The following PALB2 variants were observed in gnomAD, a reference collection of about 807,000 sequenced individuals.
PALB2 encodes partner and localizer of BRCA2.
A neutral mutation model predicts 107.4 loss-of-function variants in PALB2; 82 were observed. The ratio of observed to expected loss-of-function variants is 0.76; its 90% CI spans 0.64 to 0.92. PALB2 has a LOEUF of 0.92. Among genes scored for constraint, PALB2 ranks in the 40% least tolerant of loss-of-function variants. PALB2 has a pLI of 0.00. For missense variants in PALB2, 1,374 were observed against 1,379.9 expected, an observed-to-expected ratio of 1.00 and a Z score of 0.07; for synonymous variants, 489 against 496.8, an observed-to-expected ratio of 0.98 and a Z score of 0.21.
chr16:23,619,866 G>A (rs1966743244), intron 10 of PALB2, among the ~76,000 whole-genome samples: 2 of 151,982 alleles, frequency 1.3e-5, no homozygotes, highest in South Asian at 4.2e-4. Flanking sequence ...TGCAACCTCC[G>A]CCTCCTGGGT....
At position 23,622,976 on chromosome 16, in the gene PALB2, C is replaced by A. The variant is rs1555459513; in HGVS notation, c.2989G>T (p.Asp997Tyr). The change falls in exon 9 of 13, where the codon GAT becomes TAT. Residue 997 changes from aspartate to tyrosine, a missense_variant. Physicochemically the swap from Asp to Tyr is radical, Grantham distance 160 (BLOSUM62 -3). Transcript: ENST00000261584. The stretch of plus-strand genomic sequence containing the variant: ...AATCAATGCTTTTCTTACCCTCCAT[C>A]TTCTGCAAACGTCATGACTTCTACT... ...QQVEVMTFAE[D>Y]GGGKENQFLM... The A allele has an allele frequency of 5.0e-6, 8 of 1,614,042 alleles. No individual in the cohort carries two copies. The highest frequency in any genetic ancestry group is 6.8e-6 in the Non-Finnish European group (8 of 1,180,032).
At chr16:23,623,660 C>G (rs530753247) in intron 8 of PALB2, among the ~76,000 whole-genome samples, 49 of 151,550 alleles carry the variant, frequency 3.2e-4, no homozygotes, top group African/African-American at 1.2e-3. Context: ...ATTATAGGCA[C>G]CCGCAGGTGC....
In PALB2 at chr16:23,630,324, T is replaced by C. The variant is rs876659484; in HGVS notation, c.1830A>G (p.Thr610=). 6 of 1,614,220 alleles carry C rather than the reference T, an allele frequency of 3.7e-6. No individual in the cohort carries two copies. The highest frequency in any genetic ancestry group is 5.1e-6 in the Non-Finnish European group (6 of 1,180,034). Residue 610 remains threonine (T), a synonymous_variant, in exon 5 of 13, where the codon ACA becomes ACG. Coordinates refer to ENST00000261584, the MANE Select transcript of PALB2 (RefSeq NM_024675.4). The stretch of plus-strand genomic sequence containing the variant: ...AGTCTTCATCAGGTAACTGAAAGTC[T>C]GTGATACTGAGAAAAGACAGTAGTT... ...LKQLLSFLSI[T]DFQLPDEDFG...
chr16:23,623,981 A>G lies in PALB2; in HGVS notation c.2834+28T>C, dbSNP rs1966822122. On this transcript the variant is annotated intron_variant, in intron 8 of 12. Transcript: ENST00000261584. The stretch of plus-strand genomic sequence containing the variant: ...CTGACAGAGACAAAGATGAAGGAAA[A>G]ACAAATCACTCCTTGGGAATTACAT... The G allele has an allele frequency of 6.7e-7, 1 of 1,497,818 alleles. No individual in the cohort carries two copies. 92.8% of individuals were successfully genotyped at this position (1,497,818 alleles called of 1,614,324 possible). A position where few individuals can be genotyped will look rare whatever the true frequency, so the allele number is the denominator to read the frequency against.
chr16:23,628,492 A>G (rs1183694685), intron 6 of PALB2, among the ~76,000 whole-genome samples: 1 of 152,218 alleles, frequency 6.6e-6, no homozygotes, highest in African/African-American at 2.4e-5. Context: ...ATTTTCAGTT[A>G]CCACACTGCA....
intron 11 of PALB2, among the ~76,000 whole-genome samples, chr16:23,610,342 C>T (rs1435893112): frequency 3.6e-5 from 5 of 140,046 alleles, no homozygotes; most frequent in Non-Finnish European, 6.1e-5. Context: ...CAGAGACTTG[C>T]TTTTTCGCCA....
chr16:23,633,707 G>T (rs1455615687), intron 4 of PALB2, among the ~76,000 whole-genome samples: 1 of 151,982 alleles, frequency 6.6e-6, no homozygotes, highest in East Asian at 1.9e-4. Context: ...TGGAGTCTTA[G>T]TCTTGTTTTT....
At chr16:23,628,408 A>C (rs1966851184) in intron 6 of PALB2, among the ~76,000 whole-genome samples, 1 of 152,146 alleles carries the variant, frequency 6.6e-6, no homozygotes, top group African/African-American at 2.4e-5. Flanking sequence ...GTTTTCCTTC[A>C]CACCAGTGAT....
chr16:23,603,719 A>G, intron 12 of PALB2, 50 bp from the exon 13 acceptor site: 1 of 1,518,418 alleles, frequency 6.6e-7, no homozygotes, highest in Non-Finnish European at 9.0e-7. Flanking sequence ...CCAAAAAACA[A>G]TTAAAAAAAA....
intron 1 of PALB2, chr16:23,638,436 C>A (rs890183217): frequency 8.3e-6 from 4 of 479,816 alleles, no homozygotes; most frequent in Non-Finnish European, 1.6e-5. Context: ...AGACACTCTA[C>A]CAGTCCTCTG....
At chr16:23,628,980 G>T (rs1240056874) in intron 6 of PALB2, among the ~76,000 whole-genome samples, 1 of 152,114 alleles carries the variant, frequency 6.6e-6, no homozygotes, top group Non-Finnish European at 1.5e-5. Context: ...AGCCTAAGTT[G>T]TTCTTGCCAA....
intron 12 of PALB2, among the ~76,000 whole-genome samples, chr16:23,606,317 G>A (rs1032390182): frequency 3.9e-5 from 6 of 152,034 alleles, no homozygotes; most frequent in Non-Finnish European, 7.4e-5. Context: ...GAGATGGGAA[G>A]ATGGTGTGAA....
chr16:23,631,505 A>T (rs1369755271), intron 4 of PALB2, among the ~76,000 whole-genome samples: 1 of 151,846 alleles, frequency 6.6e-6, no homozygotes, highest in Non-Finnish European at 1.5e-5. Flanking sequence ...AACCAAACAA[A>T]ACAGTGTATG....
intron 12 of PALB2, among the ~76,000 whole-genome samples, chr16:23,606,333 G>A (rs191771131): frequency 8.5e-5 from 13 of 152,210 alleles, no homozygotes; most frequent in Non-Finnish European, 1.9e-4. Context: ...GTGAACCCGG[G>A]AGGCAGAGTT....
intron 10 of PALB2, among the ~76,000 whole-genome samples, chr16:23,620,945 A>G (rs1966761232): frequency 1.3e-5 from 2 of 152,148 alleles, no homozygotes; most frequent in African/African-American, 2.4e-5. Context: ...ACGGTGGCTC[A>G]CTCCTGTAAT....
chr16:23,618,993 G>C (rs1284420506), intron 10 of PALB2, among the ~76,000 whole-genome samples: 1 of 152,104 alleles, frequency 6.6e-6, no homozygotes, highest in Non-Finnish European at 1.5e-5. Context: ...TTTCTCTCAA[G>C]GGCCATACTT....
chr16:23,622,814 C>G (rs1415710652), intron 9 of PALB2, among the ~76,000 whole-genome samples, 155 bp downstream of exon 9: 1 of 152,188 alleles, frequency 6.6e-6, no homozygotes, highest in Non-Finnish European at 1.5e-5. Context: ...CCTCACTAAC[C>G]TGCTTCTATG....
intron 3 of PALB2, 137 bp downstream of exon 3, chr16:23,637,713 A>T (rs1278367715): frequency 4.1e-6 from 3 of 726,102 alleles, no homozygotes; most frequent in African/African-American, 3.6e-5. Context: ...TCTCAAAAAA[A>T]TAAAATTAAA....
intron 12 of PALB2, among the ~76,000 whole-genome samples, chr16:23,605,287 G>T (rs1966449605): frequency 6.6e-6 from 1 of 151,984 alleles, no homozygotes; most frequent in Non-Finnish European, 1.5e-5. Flanking sequence ...GCCAATTAAG[G>T]TGCCCACCTC....
Sources: gnomAD v4.1 joint callset for allele counts (sites outside exome capture counted in the v4.1 genomes callset) on GRCh38, gnomAD v4.1.1 for gene constraint, MANE v1.5 for transcripts, NCBI Gene and HGNC (gene_info 2026-07-23, HGNC 2026-07-21) for gene names.